The following NXPE2 variants were observed in gnomAD, a reference collection of about 807,000 sequenced individuals.
The protein encoded by NXPE2 is NXPE family member 2.
Under a neutral mutation model 34.4 loss-of-function variants are expected in NXPE2, and 34 were observed. That is an observed-to-expected ratio of 0.99 (90% CI 0.75 to 1.31). The LOEUF (loss-of-function observed/expected upper bound fraction) is 1.31, where lower values mean the gene tolerates loss of function less well. NXPE2 is among the 40% of genes most tolerant of loss of function. The pLI is 0.00. For missense variants in NXPE2, 649 were observed against 672.5 expected (o/e 0.97, Z 0.39); for synonymous variants, 235 against 231.3 (o/e 1.02, Z -0.15).
chr11:114,797,790 CTTATA>C, the NXPE2 span, among the ~76,000 whole-genome samples: 63 of 152,208 alleles, frequency 4.1e-4, 1 homozygote, highest in Middle Eastern at 3.4e-3. Context: ...ACGAATAATG[CTTATA>C]TTATAATACT....
the NXPE2 span, among the ~76,000 whole-genome samples, chr11:114,742,688 G>A: frequency 6.9e-6 from 1 of 145,570 alleles, no homozygotes; most frequent in Non-Finnish European, 1.5e-5. Flanking sequence ...CTTCCATGAT[G>A]GTATTTTTGT....
chr11:114,770,749 G>A, the NXPE2 span, among the ~76,000 whole-genome samples: 4 of 152,256 alleles, frequency 2.6e-5, no homozygotes, highest in Non-Finnish European at 5.9e-5. Context: ...GTCTAATGAG[G>A]ACAAACTACA....
the NXPE2 span, among the ~76,000 whole-genome samples, chr11:114,618,747 C>T: frequency 2.0e-5 from 3 of 152,008 alleles, no homozygotes; most frequent in Admixed American, 6.6e-5. Flanking sequence ...AGTGTTATCT[C>T]GTGCGTAGCC....
chr11:114,551,327 A>T, the NXPE2 span: 1 of 1,379,566 alleles, frequency 7.2e-7, no homozygotes, highest in South Asian at 1.6e-5. Context: ...TTTGTGAGTC[A>T]CTGTCTTCTT....
the NXPE2 span, among the ~76,000 whole-genome samples, chr11:114,767,624 T>G: frequency 2.6e-5 from 4 of 152,146 alleles, no homozygotes; most frequent in Non-Finnish European, 4.4e-5. Flanking sequence ...ACATGTTTAG[T>G]GAATGCCTGA....
the NXPE2 span, among the ~76,000 whole-genome samples, chr11:114,775,573 G>A: frequency 1.3e-5 from 2 of 152,236 alleles, no homozygotes; most frequent in African/African-American, 2.4e-5. Context: ...AAAAGGATAT[G>A]AGAAAGGTGA....
chr11:114,636,377 C>T, the NXPE2 span, among the ~76,000 whole-genome samples: 5 of 152,020 alleles, frequency 3.3e-5, no homozygotes, highest in Non-Finnish European at 5.9e-5. Context: ...AGTCTGCTAG[C>T]GGTCTATCAA....
chr11:114,684,462 A>C (rs1360778821), intron 2 of NXPE2, among the ~76,000 whole-genome samples: 2 of 152,110 alleles, frequency 1.3e-5, no homozygotes, highest in African/African-American at 4.8e-5. Context: ...GATTTAGGAA[A>C]CATCGGAATA....
chr11:114,778,542 G>A, the NXPE2 span, among the ~76,000 whole-genome samples: 2 of 152,202 alleles, frequency 1.3e-5, no homozygotes, highest in Non-Finnish European at 2.9e-5. Flanking sequence ...AAGTGACTCT[G>A]TATGGTGGCA....
chr11:114,628,268 AAAT>A, the NXPE2 span, among the ~76,000 whole-genome samples: 1 of 150,410 alleles, frequency 6.6e-6, no homozygotes, highest in Non-Finnish European at 1.5e-5. Context: ...ATATACTTGG[AAAT>A]AAACCTCTCC....
the NXPE2 span, among the ~76,000 whole-genome samples, chr11:114,642,322 C>T: frequency 6.6e-6 from 1 of 152,000 alleles, no homozygotes; most frequent in South Asian, 2.1e-4. Context: ...TTGTAGTTCT[C>T]CACATGTGCA....
At chr11:114,469,612 C>T in the NXPE2 span, among the ~76,000 whole-genome samples, 1 of 151,814 alleles carries the variant, frequency 6.6e-6, no homozygotes, top group Non-Finnish European at 1.5e-5. Context: ...GCCTCAGCCT[C>T]CTGAGTAGCT....
At chr11:114,619,629 G>T in the NXPE2 span, among the ~76,000 whole-genome samples, 1 of 151,566 alleles carries the variant, frequency 6.6e-6, no homozygotes, top group Admixed American at 6.6e-5. Flanking sequence ...TTGCCTCGTG[G>T]GTAACCACTG....
the NXPE2 span, among the ~76,000 whole-genome samples, chr11:114,538,870 G>T: frequency 1.3e-5 from 2 of 152,188 alleles, no homozygotes; most frequent in African/African-American, 2.4e-5. Context: ...GTGGAAGTCA[G>T]TGTGGTGATT....
chr11:114,670,887 G>C, the NXPE2 span, among the ~76,000 whole-genome samples: 1 of 151,596 alleles, frequency 6.6e-6, no homozygotes, highest in East Asian at 1.9e-4. Flanking sequence ...AACCGCCTCT[G>C]AGAGGGCCAA....
At chr11:114,593,932 A>T in the NXPE2 span, among the ~76,000 whole-genome samples, 8 of 152,272 alleles carry the variant, frequency 5.3e-5, no homozygotes, top group African/African-American at 1.9e-4. Flanking sequence ...CAGAAGACAA[A>T]CTTTGCATGT....
the NXPE2 span, chr11:114,580,229 T>C: frequency 6.2e-7 from 1 of 1,614,064 alleles, no homozygotes; most frequent in Non-Finnish European, 8.5e-7. Flanking sequence ...TCATTTTGAC[T>C]GTAGCCAAAC....
the NXPE2 span, among the ~76,000 whole-genome samples, chr11:114,753,799 C>A: frequency 1.3e-5 from 2 of 152,324 alleles, no homozygotes; most frequent in South Asian, 2.1e-4. Context: ...ACATTAAGAA[C>A]ATTCTATCCT....
chr11:114,726,888 G>C, the NXPE2 span, among the ~76,000 whole-genome samples: 2 of 151,976 alleles, frequency 1.3e-5, no homozygotes. Context: ...TTCCATGTGA[G>C]ACATAATCAG....
Sources: allele counts gnomAD v4.1 joint callset (sites outside exome capture counted in the v4.1 genomes callset), GRCh38; gene constraint gnomAD v4.1.1; transcripts MANE v1.5; gene names NCBI Gene and HGNC (gene_info 2026-07-23, HGNC 2026-07-21).